Variants in FLG observed in about 807,000 individuals in gnomAD.
FLG encodes the protein epidermal filaggrin.
A neutral mutation model predicts 3.8 loss-of-function variants in FLG; 6 were observed. That is an observed-to-expected ratio of 1.60 (90% confidence interval 0.87 to 3.15). FLG has a LOEUF of 3.15. FLG is among the 30% of genes most tolerant of loss of function. The pLI is 0.00. For missense variants in FLG, 7,595 were observed against 5,050.9 expected (o/e 1.50, Z -15.27); for synonymous variants, 2,551 against 1,931.6 (o/e 1.32, Z -8.41).
Position 152,310,498 on chromosome 1 carries a change from C to G in FLG, c.4388G>C (p.Gly1463Ala). 6.2e-7 allele frequency: 1 copy of G among 1,613,872 alleles called. No individual in the cohort carries two copies. The highest frequency in any genetic ancestry group is 8.5e-7 in the Non-Finnish European group (1 of 1,179,932). The part of the protein sequence containing the change: ...STHGQTAPST[G>A]GRQGSRHEQA... ...CTCATGGCGGGATCCTTGTCTTCCTCCAGTGCTGGGTGCAGTCTGTCCGTG... is the reference window on the plus strand; with the variant it reads ...CTCATGGCGGGATCCTTGTCTTCCTGCAGTGCTGGGTGCAGTCTGTCCGTG... The change falls in exon 3 of 3, where the codon GGA becomes GCA. Residue 1463 changes from glycine (G) to alanine (A), a missense_variant. Gly to Ala is a moderately conservative substitution (Grantham distance 60). Transcript: ENST00000368799.
At chr1:152,314,868 T>TC in intron 2 of FLG, 121 bp from the exon 3 acceptor site, 1 of 1,312,398 alleles carries the variant, frequency 7.6e-7, no homozygotes, top group East Asian at 2.4e-5. Flanking sequence ...ACAAAATCTT[T>TC]TTTTTTTTTA....
In FLG at chr1:152,311,984, T is replaced by C; in HGVS notation, c.2902A>G (p.Arg968Gly). ...TCCTGAGCAGATCCACGATGGTTTC[T>C]GGAAGCAGACCCAGACCACCTCTCA... The part of the protein sequence containing the change: ...DSERWSGSAS[R>G]NHRGSAQEQS... The change falls in exon 3 of 3, where the codon AGA (arginine) becomes GGA (glycine). Residue 968 changes from arginine (R) to glycine (G), a missense_variant. Physicochemically the swap from Arg to Gly is moderately radical, Grantham distance 125 (BLOSUM62 -2). Transcript: ENST00000368799. 1 of 1,614,072 alleles carries C rather than the reference T, an allele frequency of 6.2e-7. No individual in the cohort carries two copies. Among genetic ancestry groups the C allele is most frequent in the Non-Finnish European group, 8.5e-7 (1 of 1,180,004 alleles).
In FLG at chr1:152,310,714, C is replaced by G; in HGVS notation, c.4172G>C (p.Ser1391Thr). 6.2e-7 allele frequency: 1 copy of G among 1,614,106 alleles called. No homozygotes were observed. Among genetic ancestry groups the G allele is most frequent in the Non-Finnish European group, 8.5e-7 (1 of 1,180,034 alleles). The change falls in exon 3 of 3, where the codon AGT (serine) becomes ACT (threonine). Residue 1391 changes from serine (S) to threonine (T), a missense_variant. By Grantham distance (58) the Ser-to-Thr change is moderately conservative. Transcript: ENST00000368799. ...CTCACTGTTAGTGACCTGACTACCACTGGACCCTCGGTGTCCACTGTCTCT... is the reference window on the plus strand; with the variant it reads ...CTCACTGTTAGTGACCTGACTACCAGTGGACCCTCGGTGTCCACTGTCTCT... ...AVRDSGHRGSSGSQVTNSEGH... is the reference protein window; with the variant it reads ...AVRDSGHRGSTGSQVTNSEGH...
rs753472350 is a variant in FLG, at chr1:152,303,947, C to A, written c.10939G>T (p.Ala3647Ser). Residue 3647 changes from alanine (A) to serine (S), a missense_variant, in exon 3 of 3, where the codon GCT becomes TCT. Coordinates refer to ENST00000368799, the MANE Select transcript of FLG (RefSeq NM_002016.2). ...SRHSGIGHGQASSAVRDSGHR... is the reference protein window; with the variant it reads ...SRHSGIGHGQSSSAVRDSGHR... Reference sequence around the variant, plus strand: ...CCACTGTCTCTGACTGCAGATGAAGCTTGTCCGTGCCCAATGCCTGAGTGT... The same window carrying A: ...CCACTGTCTCTGACTGCAGATGAAGATTGTCCGTGCCCAATGCCTGAGTGT... 1.2e-6 allele frequency: 2 copies of A among 1,613,952 alleles called. No homozygotes were observed.
chr1:152,311,474 T>C lies in FLG; in HGVS notation c.3412A>G (p.Thr1138Ala), dbSNP rs750063141. Reference protein sequence around the residue: ...ESAHGRTRTSTGRRQGSHHEQ... With the variant: ...ESAHGRTRTSAGRRQGSHHEQ... ...TGGTGGGATCCTTGTCTTCGTCCAGTGCTGGTCCTGGTCCGCCCATGGGCA... is the reference window on the plus strand; with the variant it reads ...TGGTGGGATCCTTGTCTTCGTCCAGCGCTGGTCCTGGTCCGCCCATGGGCA... Residue 1138 changes from threonine to alanine, a missense_variant, in exon 3 of 3, where the codon ACT (threonine) becomes GCT (alanine). By Grantham distance (58) the Thr-to-Ala change is moderately conservative. Coordinates refer to ENST00000368799, the MANE Select transcript of FLG (RefSeq NM_002016.2). The C allele has an allele frequency of 6.2e-6, 10 of 1,613,702 alleles. No individual in the cohort carries two copies. In the Admixed American group the frequency reaches 1.3e-4, roughly 22 times the overall value.
chr1:152,312,720 G>C lies in FLG; in HGVS notation c.2166C>G (p.His722Gln). 6.2e-7 allele frequency: 1 copy of C among 1,614,070 alleles called. No individual in the cohort carries two copies. The highest frequency in any genetic ancestry group is 8.5e-7 in the Non-Finnish European group (1 of 1,180,036). ...AAGCTTGTCCGTGCCCAGTGCCTGA[G>C]TGTCTGGAGCTGTCTGCTGACTGGA... The part of the protein sequence containing the change: ...HQLQSADSSR[H>Q]SGTGHGQASS... The change falls in exon 3 of 3, where the codon CAC becomes CAG. Residue 722 changes from histidine (H) to glutamine (Q), a missense_variant. His to Gln is a conservative substitution (Grantham distance 24). Coordinates refer to ENST00000368799, the MANE Select transcript of FLG (RefSeq NM_002016.2).
chr1:152,316,290 G>A (rs1195850200), intron 1 of FLG, among the ~76,000 whole-genome samples: 1 of 152,046 alleles, frequency 6.6e-6, no homozygotes, highest in South Asian at 2.1e-4. Flanking sequence ...AGATATTAAT[G>A]AATTTTGCTG....
intron 1 of FLG, among the ~76,000 whole-genome samples, chr1:152,320,536 T>C (rs540534745): frequency 8.9e-4 from 134 of 151,154 alleles, no homozygotes; most frequent in African/African-American, 3.1e-3. Context: ...TAATAAAAGA[T>C]CAATTCTCCA....
At position 152,307,884 on chromosome 1, in the gene FLG, G is replaced by C. The variant is rs770161196; in HGVS notation, c.7002C>G (p.His2334Gln). The C allele has an allele frequency of 1.9e-6, 3 of 1,613,092 alleles. No homozygotes were observed. The highest frequency in any genetic ancestry group is 2.2e-5 in the South Asian group (2 of 90,950). Residue 2334 changes from histidine (H) to glutamine (Q), a missense_variant, in exon 3 of 3, where the codon CAC (histidine) becomes CAG (glutamine). Coordinates refer to ENST00000368799, the MANE Select transcript of FLG (RefSeq NM_002016.2). Reference protein sequence around the residue: ...SSAGERHGSHHQQSADSSRHS... With the variant: ...SSAGERHGSHQQQSADSSRHS... The stretch of plus-strand genomic sequence containing the variant: ...GTCTGGAGCTGTCTGCTGACTGCTG[G>C]TGGTGGGATCCGTGTCTCTCTCCTG...
At chr1:152,317,989 C>A (rs1221621749) in intron 1 of FLG, among the ~76,000 whole-genome samples, 1 of 151,976 alleles carries the variant, frequency 6.6e-6, no homozygotes, top group Non-Finnish European at 1.5e-5. Context: ...ATCCTACTTT[C>A]AAAATATCCC....
intron 1 of FLG, among the ~76,000 whole-genome samples, chr1:152,323,677 ATT>A (rs531591628): frequency 2.8e-5 from 4 of 144,586 alleles, no homozygotes; most frequent in African/African-American, 7.5e-5. Flanking sequence ...GAGAATTGAG[ATT>A]TTTTTTTTTT....
Position 152,308,562 on chromosome 1 carries a change from C to T in FLG, c.6324G>A (p.Ala2108=), listed in dbSNP as rs763227797. ...EQSESTHGQS[A]PSTGGRQGSH... ...ATCCTTGTCTTCCTCCAGTGCTGGG[C>T]GCAGACTGTCCATGGGTGGACTCAG... Residue 2108 remains alanine, a synonymous_variant, in exon 3 of 3, where the codon GCG becomes GCA. Coordinates refer to ENST00000368799, the MANE Select transcript of FLG (RefSeq NM_002016.2). The T allele has an allele frequency of 2.9e-5, 47 of 1,613,900 alleles. No individual in the cohort carries two copies. Among genetic ancestry groups the T allele is most frequent in the Middle Eastern group, 1.6e-4 (1 of 6,084 alleles).
chr1:152,308,906 G>T lies in FLG; in HGVS notation c.5980C>A (p.His1994Asn). Residue 1994 changes from histidine (H) to asparagine (N), a missense_variant, in exon 3 of 3, where the codon CAT becomes AAT. By Grantham distance (68) the His-to-Asn change is moderately conservative (BLOSUM62 1). Transcript: ENST00000368799. ...CCTGCACTTGATCTTGCCTGTTCAT[G>T]GGATGACGCAGCCTGTCCACGAGAG... ...SSSRGQAASS[H>N]EQARSSAGER... 6.2e-7 allele frequency: 1 copy of T among 1,614,176 alleles called. No homozygotes were observed. Among genetic ancestry groups the T allele is most frequent in the Non-Finnish European group, 8.5e-7 (1 of 1,180,028 alleles).
Position 152,309,597 on chromosome 1 carries a change from C to A in FLG, c.5289G>T (p.Gly1763=). The change falls in exon 3 of 3, where the codon GGG becomes GGT. Residue 1763 remains glycine (G), a synonymous_variant. Transcript: ENST00000368799. ...GQSGERSGRS[G]SFLYQVSTHE... ...GAGTGCTCACCTGGTAGAGGAAAGA[C>A]CCTGAACGTCCAGACCTTTCCCCTG... 1.2e-6 allele frequency: 2 copies of A among 1,613,820 alleles called. No homozygotes were observed. Among genetic ancestry groups the A allele is most frequent in the Non-Finnish European group, 1.7e-6 (2 of 1,179,962 alleles).
chr1:152,313,394 C>T lies in FLG; in HGVS notation c.1492G>A (p.Glu498Lys), dbSNP rs370228326. 84 of 1,613,724 alleles carry T rather than the reference C, an allele frequency of 5.2e-5. No homozygotes were observed. In the African/African-American group the frequency reaches 7.6e-4, roughly 15 times the overall value. Residue 498 changes from glutamate (E) to lysine (K), a missense_variant, in exon 3 of 3, where the codon GAG (glutamate) becomes AAG (lysine). Coordinates refer to ENST00000368799, the MANE Select transcript of FLG (RefSeq NM_002016.2). The part of the protein sequence containing the change: ...STGGRQGSHH[E>K]QARDSSRHSA... Reference sequence around the variant, plus strand: ...TGCCTGGAGCTGTCTCGTGCCTGCTCGTGGTGCGATCCTTGTCTTCCTCCA... The same window carrying T: ...TGCCTGGAGCTGTCTCGTGCCTGCTTGTGGTGCGATCCTTGTCTTCCTCCA...
rs375084109 is a variant in FLG at position 152,310,619 on chromosome 1, G to C, written c.4267C>G (p.His1423Asp). 2.5e-6 allele frequency: 4 copies of C among 1,614,004 alleles called. No homozygotes were observed. In the Admixed American group the frequency reaches 5.0e-5, roughly 20 times the overall value. ...HGQAGPHQQS[H>D]KESARGQSGE... is the part of the protein sequence containing the mutation. ...GACTGGCCACGTGCGGACTCTTTGTGGCTCTGCTGATGGGGCCCAGCTTGT... is the reference window on the plus strand; with the variant it reads ...GACTGGCCACGTGCGGACTCTTTGTCGCTCTGCTGATGGGGCCCAGCTTGT... Residue 1423 changes from histidine to aspartate, a missense_variant, in exon 3 of 3, where the codon CAC (histidine) becomes GAC (aspartate). His to Asp is a moderately conservative substitution (Grantham distance 81). Coordinates refer to ENST00000368799, the MANE Select transcript of FLG (RefSeq NM_002016.2).
In FLG at chr1:152,311,749, T is replaced by A; in HGVS notation, c.3137A>T (p.His1046Leu). Reference protein sequence around the residue: ...RHQQSADSSRHSGIPRRQASS... With the variant: ...RHQQSADSSRLSGIPRRQASS... ...AGCTTGTCTGCGCGGAATGCCTGAG[T>A]GTCTGGAGCTGTCTGCTGACTGCTG... The change falls in exon 3 of 3, where the codon CAC becomes CTC. Residue 1046 changes from histidine to leucine, a missense_variant. Coordinates refer to ENST00000368799, the MANE Select transcript of FLG (RefSeq NM_002016.2). The A allele has an allele frequency of 1.2e-6, 2 of 1,614,034 alleles. No individual in the cohort carries two copies. Among genetic ancestry groups the A allele is most frequent in the East Asian group, 2.2e-5 (1 of 44,858 alleles).
In FLG at chr1:152,313,004, G is replaced by T. The variant is rs779204654; in HGVS notation, c.1882C>A (p.Gln628Lys). The T allele has an allele frequency of 1.9e-6, 3 of 1,613,750 alleles. No homozygotes were observed. Among genetic ancestry groups the T allele is most frequent in the African/African-American group, 1.3e-5 (1 of 74,746 alleles). The change falls in exon 3 of 3, where the codon CAG becomes AAG. Residue 628 changes from glutamine (Q) to lysine (K), a missense_variant. Coordinates refer to ENST00000368799, the MANE Select transcript of FLG (RefSeq NM_002016.2). ...GSSVSQDSDS[Q>K]GHSEDSERWS... Reference sequence around the variant, plus strand: ...CTCTCAGAGTCTTCTGAGTGTCCCTGACTGTCACTGTCCTGGCTAACACTG... The same window carrying T: ...CTCTCAGAGTCTTCTGAGTGTCCCTTACTGTCACTGTCCTGGCTAACACTG...
At position 152,311,589 on chromosome 1, in the gene FLG, G is replaced by T; in HGVS notation, c.3297C>A (p.His1099Gln). 1 of 1,614,094 alleles carries T rather than the reference G, an allele frequency of 6.2e-7. No homozygotes were observed. Among genetic ancestry groups the T allele is most frequent in the Non-Finnish European group, 8.5e-7 (1 of 1,180,032 alleles). The part of the protein sequence containing the change: ...HGQDGPHQQS[H>Q]QESARDWSGG... ...CTGACCAGTCACGTGCGGACTCTTGGTGGCTCTGCTGATGGGGCCCATCCT... is the reference window on the plus strand; with the variant it reads ...CTGACCAGTCACGTGCGGACTCTTGTTGGCTCTGCTGATGGGGCCCATCCT... Residue 1099 changes from histidine (H) to glutamine (Q), a missense_variant, in exon 3 of 3, where the codon CAC becomes CAA. By Grantham distance (24) the His-to-Gln change is conservative (BLOSUM62 0). Coordinates refer to ENST00000368799, the MANE Select transcript of FLG (RefSeq NM_002016.2).
Sources: allele counts gnomAD v4.1 joint callset (sites outside exome capture counted in the v4.1 genomes callset), GRCh38; gene constraint gnomAD v4.1.1; transcripts MANE v1.5; gene names NCBI Gene and HGNC (gene_info 2026-07-23, HGNC 2026-07-21).